Variants in ANKRD44 observed in about 807,000 individuals in gnomAD.
ANKRD44 encodes the protein ankyrin repeat domain 44.
A neutral mutation model predicts 116.0 loss-of-function variants in ANKRD44; 35 were observed. The observed-to-expected ratio is 0.30, with a 90% CI of 0.23 to 0.40. The LOEUF (loss-of-function observed/expected upper bound fraction) is 0.40, where lower values mean the gene tolerates loss of function less well. Among genes scored for constraint, ANKRD44 ranks in the 10% least tolerant of loss-of-function variants. The probability of loss-of-function intolerance (pLI) is 1.00; values close to 1 mark genes in which losing one functional copy is unlikely to be tolerated. For synonymous variants in ANKRD44, 435 were observed against 461.8 expected, an observed-to-expected ratio of 0.94 and a Z score of 0.74; for missense variants, 1,014 against 1,242.6, an observed-to-expected ratio of 0.82 and a Z score of 2.77.
chr2:197,011,765 G>A (rs537867537), intron 18 of ANKRD44, among the ~76,000 whole-genome samples: 54 of 152,204 alleles, frequency 3.5e-4, no homozygotes, highest in African/African-American at 8.9e-4. Context: ...GAACCACTGC[G>A]CCCAGCCCCT....
At chr2:197,277,639 G>C (rs1180012573) in intron 1 of ANKRD44, among the ~76,000 whole-genome samples, 1 of 152,164 alleles carries the variant, frequency 6.6e-6, no homozygotes, top group East Asian at 1.9e-4. Context: ...CTTAGGCCCT[G>C]CAGTCCCAGA....
At chr2:197,136,353 A>C (rs571414720) in intron 4 of ANKRD44, 6 of 545,720 alleles carry the variant, frequency 1.1e-5, no homozygotes, top group East Asian at 6.0e-5. Flanking sequence ...CAGGCTGAGA[A>C]CTCATTGAAA....
chr2:197,049,477 C>T (rs2077064804), intron 16 of ANKRD44, among the ~76,000 whole-genome samples: 1 of 152,112 alleles, frequency 6.6e-6, no homozygotes, highest in Admixed American at 6.5e-5. Context: ...CCTTGTTTTA[C>T]CCTCCAATAA....
At chr2:196,967,605 C>T (rs1368467345) in intron 21 of ANKRD44, among the ~76,000 whole-genome samples, 1 of 152,030 alleles carries the variant, frequency 6.6e-6, no homozygotes, top group Non-Finnish European at 1.5e-5. Context: ...AATATGATAC[C>T]AATGCAAACC....
rs184972073 is a variant in ANKRD44 at position 197,204,073 on chromosome 2, G to A, written c.28-16967C>T. Among the ~76,000 whole-genome samples, 674 of 151,998 alleles carry A rather than the reference G, an allele frequency of 4.4e-3. 15 individuals carry two copies. Among genetic ancestry groups the A allele is most frequent in the Non-Finnish European group, 1.3e-3 (88 of 67,950 alleles). On this transcript the variant is annotated intron_variant, in intron 1 of 27. Coordinates refer to ENST00000282272, the MANE Select transcript of ANKRD44 (RefSeq NM_001195144.2). ...ATGTACCTTTTAAAATGGTTAAAAT[G>A]GTAAATATCATGTTAGGTGTATTTT... is the stretch of plus-strand genomic sequence containing the variant.
intron 2 of ANKRD44, among the ~76,000 whole-genome samples, chr2:197,160,897 A>G (rs1182280412): frequency 1.3e-5 from 2 of 152,240 alleles, no homozygotes; most frequent in African/African-American, 4.8e-5. Flanking sequence ...GACACTTGTC[A>G]GGAAAATTCT....
chr2:197,135,673 T>A (rs1052373445), intron 4 of ANKRD44: 3 of 152,258 alleles, frequency 2.0e-5, no homozygotes, highest in African/African-American at 7.2e-5. Flanking sequence ...AAAGTACAGA[T>A]CCCTGTCCTC....
chr2:197,252,475 C>G (rs550557184), intron 1 of ANKRD44, among the ~76,000 whole-genome samples: 2 of 152,186 alleles, frequency 1.3e-5, no homozygotes, highest in South Asian at 4.1e-4. Flanking sequence ...AGCGCGATCT[C>G]GGCTCACTGC....
At position 197,005,761 on chromosome 2, in the gene ANKRD44, A is replaced by C. The variant is rs376414873; in HGVS notation, c.2280T>G (p.Leu760=). Residue 760 remains leucine (L), a synonymous_variant, in exon 21 of 28, where the codon CTT becomes CTG. Coordinates refer to ENST00000282272, the MANE Select transcript of ANKRD44 (RefSeq NM_001195144.2). Reference sequence around the variant, plus strand: ...CTTTGAAACAACAGTCCTCCTCAGAAAGAGCCATTTGGAGCAGCTCGCTCA... The same window carrying C: ...CTTTGAAACAACAGTCCTCCTCAGACAGAGCCATTTGGAGCAGCTCGCTCA... ...TWLSELLQMA[L]SEEDCCFKDN... The C allele has an allele frequency of 1.2e-4, 198 of 1,614,050 alleles. No homozygotes were observed. The highest frequency in any genetic ancestry group is 1.6e-4 in the Non-Finnish European group (191 of 1,180,028).
intron 10 of ANKRD44, among the ~76,000 whole-genome samples, chr2:197,091,886 C>A (rs151217223): frequency 3.3e-4 from 50 of 152,262 alleles, no homozygotes; most frequent in African/African-American, 9.9e-4. Flanking sequence ...AGGTAATAAA[C>A]ATTACTTTGC....
intron 16 of ANKRD44, among the ~76,000 whole-genome samples, chr2:197,075,661 T>C (rs921800292): frequency 6.6e-6 from 1 of 152,182 alleles, no homozygotes; most frequent in Non-Finnish European, 1.5e-5. Context: ...TTTTTCCTCA[T>C]GGAACTAATT....
At chr2:197,273,775 G>A (rs2082966967) in intron 1 of ANKRD44, among the ~76,000 whole-genome samples, 1 of 151,842 alleles carries the variant, frequency 6.6e-6, no homozygotes, top group African/African-American at 2.4e-5. Flanking sequence ...TAAATCAAAT[G>A]TCCTTGTCTA....
Position 197,310,573 on chromosome 2 carries a change from G to T in ANKRD44, c.27+5C>A. On this transcript the variant is annotated splice_donor_5th_base_variant and intron_variant, in intron 1 of 27. Coordinates refer to ENST00000282272, the MANE Select transcript of ANKRD44 (RefSeq NM_001195144.2). ...GTCCCGCCCGCCGGCGCCGCCGCCC[G>T]CTACCTGGTCGGTGAGTTTGAGCAC... 1 of 1,220,582 alleles carries T rather than the reference G, an allele frequency of 8.2e-7. No homozygotes were observed. The highest frequency in any genetic ancestry group is 1.0e-6 in the Non-Finnish European group (1 of 954,714). 75.6% of individuals were successfully genotyped at this position (1,220,582 alleles called of 1,614,324 possible).
chr2:196,998,370 G>A lies in ANKRD44; in HGVS notation c.2715C>T (p.Asp905=), dbSNP rs1458237435. The A allele has an allele frequency of 1.2e-6, 2 of 1,613,842 alleles. No individual in the cohort carries two copies. The highest frequency in any genetic ancestry group is 1.7e-6 in the Non-Finnish European group (2 of 1,179,864). The change falls in exon 25 of 28, where the codon GAC becomes GAT. Residue 905 remains aspartate (D), a synonymous_variant. Coordinates refer to ENST00000282272, the MANE Select transcript of ANKRD44 (RefSeq NM_001195144.2). ...AAGCCAAATGTAAGGGTGTATTCAA[G>A]TCCTTATCCTTTACAGTCAGATCAG... The part of the protein sequence containing the change: ...AQADLTVKDK[D]LNTPLHLACS...
intron 1 of ANKRD44, among the ~76,000 whole-genome samples, chr2:197,278,252 T>C (rs192677627): frequency 6.6e-6 from 1 of 152,226 alleles, no homozygotes; most frequent in Non-Finnish European, 1.5e-5. Context: ...TGTGTTCTAA[T>C]GCAGAAAGAG....
intron 1 of ANKRD44, among the ~76,000 whole-genome samples, chr2:197,243,708 T>C (rs1256808550): frequency 6.6e-6 from 1 of 152,222 alleles, no homozygotes; most frequent in African/African-American, 2.4e-5. Flanking sequence ...TGGCACCTTC[T>C]TGCTGTGCCC....
At chr2:197,141,986 C>A (rs147721403) in intron 3 of ANKRD44, among the ~76,000 whole-genome samples, 1 of 152,336 alleles carries the variant, frequency 6.6e-6, no homozygotes, top group African/African-American at 2.4e-5. Flanking sequence ...CTGAAGGACA[C>A]AGTCTGCATG....
chr2:197,254,737 T>C (rs992183413), intron 1 of ANKRD44, among the ~76,000 whole-genome samples: 3 of 148,480 alleles, frequency 2.0e-5, no homozygotes, highest in Non-Finnish European at 3.0e-5. Flanking sequence ...TATGTGTGTA[T>C]AGACACACAT....
intron 1 of ANKRD44, among the ~76,000 whole-genome samples, chr2:197,208,664 G>A (rs942739942): frequency 6.6e-6 from 1 of 152,080 alleles, no homozygotes; most frequent in African/African-American, 2.4e-5. Context: ...GCCGAGCGTG[G>A]TGGTGGGCGC....
Sources: gnomAD v4.1 joint callset for allele counts (sites outside exome capture counted in the v4.1 genomes callset) on GRCh38, gnomAD v4.1.1 for gene constraint, MANE v1.5 for transcripts, NCBI Gene and HGNC (gene_info 2026-07-23, HGNC 2026-07-21) for gene names.